Variants in PITPNC1 observed in about 807,000 individuals in gnomAD.
PITPNC1 encodes the protein phosphatidylinositol transfer protein cytoplasmic 1.
PITPNC1 carries 18 observed loss-of-function variants against 44.7 expected under a neutral mutation model. That is an observed-to-expected ratio of 0.40 (90% confidence interval 0.28 to 0.60). PITPNC1 has a LOEUF of 0.60. Among genes scored for constraint, PITPNC1 ranks in the 20% least tolerant of loss-of-function variants. PITPNC1 has a pLI of 0.39. For synonymous variants in PITPNC1, 141 were observed against 149.6 expected (o/e 0.94, Z 0.42); for missense variants, 290 against 418.4 (o/e 0.69, Z 2.68).
intron 1 of PITPNC1, among the ~76,000 whole-genome samples, chr17:67,399,172 G>A (rs2038269728): frequency 6.6e-6 from 1 of 151,992 alleles, no homozygotes; most frequent in East Asian, 1.9e-4. Context: ...ATGCCACCAC[G>A]CCCGGCTAAT....
At chr17:67,520,866 A>G (rs2040316942) in intron 1 of PITPNC1, among the ~76,000 whole-genome samples, 1 of 152,176 alleles carries the variant, frequency 6.6e-6, no homozygotes, top group African/African-American at 2.4e-5. Context: ...CATGACACCC[A>G]CTGCCTTAGC....
intron 1 of PITPNC1, among the ~76,000 whole-genome samples, chr17:67,505,769 C>G (rs1436177527): frequency 6.6e-6 from 1 of 152,152 alleles, no homozygotes; most frequent in Non-Finnish European, 1.5e-5. Flanking sequence ...GCCACCGCGC[C>G]CAGCCCAAGT....
At chr17:67,457,999 CAG>C (rs998724514) in intron 1 of PITPNC1, among the ~76,000 whole-genome samples, 11 of 152,130 alleles carry the variant, frequency 7.2e-5, no homozygotes, top group Admixed American at 3.3e-4. Context: ...CAGAATATGA[CAG>C]GGGTACCAGT....
intron 7 of PITPNC1, 73 bp downstream of exon 7, chr17:67,669,736 T>C: frequency 9.2e-7 from 1 of 1,084,904 alleles, no homozygotes; most frequent in Non-Finnish European, 1.4e-6. Flanking sequence ...GAGTCCATGA[T>C]ACACAACAGG....
At chr17:67,444,467 CAG>C (rs1187532118) in intron 1 of PITPNC1, among the ~76,000 whole-genome samples, 1 of 151,942 alleles carries the variant, frequency 6.6e-6, no homozygotes, top group Admixed American at 6.6e-5. Context: ...AGGCCTGGGA[CAG>C]AGAGGCAGCC....
intron 1 of PITPNC1, chr17:67,408,740 T>G (rs1288137130): frequency 6.6e-6 from 1 of 150,880 alleles, no homozygotes; most frequent in East Asian, 1.9e-4. Context: ...CTTTCTTTCT[T>G]TCTCTCTTTC....
At chr17:67,538,157 A>G (rs2040555103) in intron 2 of PITPNC1, among the ~76,000 whole-genome samples, 1 of 152,140 alleles carries the variant, frequency 6.6e-6, no homozygotes, top group East Asian at 1.9e-4. Flanking sequence ...GCCCCCAGAC[A>G]GATCCAAGCC....
At chr17:67,509,880 C>T (rs140872463) in intron 1 of PITPNC1, among the ~76,000 whole-genome samples, 16 of 152,214 alleles carry the variant, frequency 1.1e-4, no homozygotes, top group East Asian at 5.8e-4. Context: ...AGCCTAATGA[C>T]GTCATTTCTA....
At chr17:67,584,441 G>A (rs1376567811) in intron 5 of PITPNC1, among the ~76,000 whole-genome samples, 3 of 152,176 alleles carry the variant, frequency 2.0e-5, no homozygotes, top group African/African-American at 7.2e-5. Flanking sequence ...TAGCTCCTCT[G>A]TGTGGTAATG....
chr17:67,682,556 G>A (rs1231082563), intron 8 of PITPNC1, among the ~76,000 whole-genome samples: 1 of 152,192 alleles, frequency 6.6e-6, no homozygotes, highest in Non-Finnish European at 1.5e-5. Flanking sequence ...AGAGGGCAAG[G>A]AAAGGAAATA....
chr17:67,638,183 T>C (rs2537832), intron 6 of PITPNC1: 116,244 of 152,188 alleles, frequency 0.76, 44,901 homozygotes, highest in African/African-American at 0.87. Context: ...CACGATAAGT[T>C]GGAGCATGCC....
intron 5 of PITPNC1, among the ~76,000 whole-genome samples, chr17:67,584,199 G>A (rs1040247066): frequency 1.3e-5 from 2 of 152,008 alleles, no homozygotes; most frequent in East Asian, 3.9e-4. Context: ...TTTACAAAAG[G>A]CATATGTAAA....
intron 1 of PITPNC1, among the ~76,000 whole-genome samples, chr17:67,471,029 A>G (rs555272323): frequency 8.1e-6 from 1 of 122,744 alleles, no homozygotes; most frequent in African/African-American, 3.3e-5. Flanking sequence ...GTCATCACCA[A>G]TCCCTAATCT....
chr17:67,387,472 C>T (rs1255934265), intron 1 of PITPNC1, among the ~76,000 whole-genome samples: 1 of 152,108 alleles, frequency 6.6e-6, no homozygotes, highest in Non-Finnish European at 1.5e-5. Context: ...TTAAGATCAG[C>T]CTGGCCAACG....
intron 3 of PITPNC1, chr17:67,553,389 T>G (rs1212131692): frequency 1.4e-5 from 5 of 367,834 alleles, no homozygotes; most frequent in African/African-American, 1.0e-4. Context: ...AATCTTGTCT[T>G]ACTGTTCTTA....
intron 1 of PITPNC1, among the ~76,000 whole-genome samples, chr17:67,452,073 C>T (rs989984019): frequency 1.5e-4 from 23 of 152,026 alleles, no homozygotes; most frequent in African/African-American, 5.1e-4. Context: ...AGTGCAATCA[C>T]AGTTCACTGC....
At chr17:67,413,026 G>A (rs981210851) in intron 1 of PITPNC1, among the ~76,000 whole-genome samples, 3 of 152,170 alleles carry the variant, frequency 2.0e-5, no homozygotes, top group Admixed American at 6.5e-5. Flanking sequence ...TGAGAATGAT[G>A]GAGGAGAAAT....
intron 1 of PITPNC1, among the ~76,000 whole-genome samples, chr17:67,417,532 C>T (rs2038606604): frequency 6.6e-6 from 1 of 152,120 alleles, no homozygotes; most frequent in Non-Finnish European, 1.5e-5. Flanking sequence ...TGCCAGCCTC[C>T]CTGAGTCTTC....
At chr17:67,480,644 AT>A (rs544828652) in intron 1 of PITPNC1, among the ~76,000 whole-genome samples, 1 of 151,362 alleles carries the variant, frequency 6.6e-6, no homozygotes, top group Admixed American at 6.6e-5. Context: ...ACATGTATGT[AT>A]TTTTTTTTGT....
Sources: gnomAD v4.1 joint callset for allele counts (sites outside exome capture counted in the v4.1 genomes callset) on GRCh38, gnomAD v4.1.1 for gene constraint, MANE v1.5 for transcripts, NCBI Gene and HGNC (gene_info 2026-07-23, HGNC 2026-07-21) for gene names.